The following ERI1 variants were observed in gnomAD, a reference collection of about 807,000 sequenced individuals.
ERI1 encodes the protein exoribonuclease 1.
In ERI1, 39 loss-of-function variants were observed where a neutral mutation model predicts 39.7. The ratio of observed to expected loss-of-function variants is 0.98; its 90% confidence interval spans 0.76 to 1.28. The LOEUF is 1.28. ERI1 is among the 50% of genes most tolerant of loss of function. The pLI is 0.00. For missense variants in ERI1, 581 were observed against 416.9 expected (o/e 1.39, Z -3.43); for synonymous variants, 204 against 149.6 (o/e 1.36, Z -2.65).
downstream of ERI1, among the ~76,000 whole-genome samples, chr8:9,034,008 GA>G (rs1294839735): frequency 2.6e-5 from 4 of 152,228 alleles, no homozygotes; most frequent in Non-Finnish European, 5.9e-5. Context: ...CGGAGATGGG[GA>G]TAAGTGGAGA....
chr8:9,098,805 C>T (rs541604325), intron 3 of ERI1, among the ~76,000 whole-genome samples: 2 of 152,208 alleles, frequency 1.3e-5, no homozygotes, highest in Non-Finnish European at 2.9e-5. Context: ...GCAAATTGCA[C>T]ATATTTCAAA....
chr8:9,016,503 C>A, intron 4 of ERI1, 98 bp downstream of exon 4: 28 of 493,954 alleles, frequency 5.7e-5, no homozygotes, highest in Middle Eastern at 5.4e-4. Context: ...CTGTTGTGAA[C>A]AATTTAATAC....
chr8:9,004,213 T>C (rs1294920889), intron 1 of ERI1: 1 of 1,276,850 alleles, frequency 7.8e-7, no homozygotes, highest in Non-Finnish European at 1.0e-6. Flanking sequence ...TTTCAAAGAG[T>C]ACTTGCACAT....
At chr8:9,077,075 G>C (rs553803940) in intron 3 of ERI1, among the ~76,000 whole-genome samples, 1 of 152,176 alleles carries the variant, frequency 6.6e-6, no homozygotes, top group South Asian at 2.1e-4. Context: ...TTATCTGCTG[G>C]TCAGAATGTT....
At chr8:9,004,119 G>A (rs1253075181) in intron 1 of ERI1, 4 of 1,289,304 alleles carry the variant, frequency 3.1e-6, no homozygotes, top group African/African-American at 1.5e-5. Flanking sequence ...AGAAGGTCTC[G>A]TTAAGGATCT....
At chr8:9,083,111 C>T (rs866195924) in intron 3 of ERI1, among the ~76,000 whole-genome samples, 1 of 152,216 alleles carries the variant, frequency 6.6e-6, no homozygotes, top group South Asian at 2.1e-4. Flanking sequence ...TTGCTGATAA[C>T]CCTAGAAAAG....
intron 4 of ERI1, among the ~76,000 whole-genome samples, chr8:9,016,982 C>G (rs905367012): frequency 1.3e-5 from 2 of 152,122 alleles, no homozygotes; most frequent in Non-Finnish European, 2.9e-5. Flanking sequence ...CATGCCCAGC[C>G]AGAGATAAGT....
At chr8:9,014,487 C>T (rs942476016) in intron 3 of ERI1, among the ~76,000 whole-genome samples, 13 of 152,192 alleles carry the variant, frequency 8.5e-5, no homozygotes, top group African/African-American at 3.1e-4. Flanking sequence ...GGATTACAGG[C>T]ACCCAGGTTC....
intron 3 of ERI1, among the ~76,000 whole-genome samples, chr8:9,069,031 C>T (rs1004293797): frequency 6.6e-6 from 1 of 152,176 alleles, no homozygotes; most frequent in South Asian, 2.1e-4. Flanking sequence ...GTGGCCCAGG[C>T]TGGTCTCGAA....
chr8:9,010,697 A>G (rs900931681), intron 2 of ERI1, among the ~76,000 whole-genome samples: 1 of 152,198 alleles, frequency 6.6e-6, no homozygotes, highest in Non-Finnish European at 1.5e-5. Flanking sequence ...ATTCATTTAT[A>G]TAACGCTGAA....
At chr8:9,036,959 C>G (rs144870629), downstream of ERI1, among the ~76,000 whole-genome samples, 1 of 152,162 alleles carries the variant, frequency 6.6e-6, no homozygotes, top group African/African-American at 2.4e-5. Flanking sequence ...CCCTCCCTCC[C>G]CCTTTTAGCA....
intron 3 of ERI1, among the ~76,000 whole-genome samples, chr8:9,093,145 C>T (rs1350155659): frequency 6.6e-6 from 1 of 152,218 alleles, no homozygotes; most frequent in Non-Finnish European, 1.5e-5. Context: ...TCTCCAAACA[C>T]AGCAGGGGTG....
At chr8:9,048,014 C>G (rs1798231929) in intron 3 of ERI1, among the ~76,000 whole-genome samples, 1 of 152,208 alleles carries the variant, frequency 6.6e-6, no homozygotes, top group African/African-American at 2.4e-5. Context: ...TCCAAGGCCA[C>G]AAAGCCAGTA....
chr8:9,039,788 T>C (rs1797959811), intron 3 of ERI1, among the ~76,000 whole-genome samples: 1 of 152,224 alleles, frequency 6.6e-6, no homozygotes, highest in Non-Finnish European at 1.5e-5. Context: ...GAACCTAATT[T>C]ATTTTCTGTT....
At chr8:9,088,756 T>C (rs1380359557) in intron 3 of ERI1, among the ~76,000 whole-genome samples, 1 of 152,194 alleles carries the variant, frequency 6.6e-6, no homozygotes, top group Admixed American at 6.5e-5. Flanking sequence ...TTCTCCTGGG[T>C]AATTTCAGAG....
intron 3 of ERI1, among the ~76,000 whole-genome samples, chr8:9,094,546 C>G (rs543626819): frequency 3.1e-4 from 47 of 152,300 alleles, no homozygotes; most frequent in Non-Finnish European, 5.4e-4. Context: ...TTCTCTGTGT[C>G]CTGTGTGTTG....
At chr8:9,008,731 CTT>C (rs1362240445) in intron 2 of ERI1, among the ~76,000 whole-genome samples, 3 of 152,050 alleles carry the variant, frequency 2.0e-5, no homozygotes, top group Non-Finnish European at 4.4e-5. Flanking sequence ...AAACAAATCA[CTT>C]TACGTTCATT....
intron 3 of ERI1, among the ~76,000 whole-genome samples, chr8:9,062,401 A>G (rs917760968): frequency 6.6e-6 from 1 of 151,708 alleles, no homozygotes; most frequent in Non-Finnish European, 1.5e-5. Flanking sequence ...TTTAGTTAAA[A>G]TGTCTTGGCC....
At chr8:9,023,831 C>G (rs1049032842) in intron 6 of ERI1, among the ~76,000 whole-genome samples, 2 of 111,456 alleles carry the variant, frequency 1.8e-5, no homozygotes, top group African/African-American at 3.4e-5. Flanking sequence ...CGGAGTCTCA[C>G]TCTGTCTCCC....
Sources: gnomAD v4.1 joint callset for allele counts (sites outside exome capture counted in the v4.1 genomes callset) on GRCh38, gnomAD v4.1.1 for gene constraint, MANE v1.5 for transcripts, NCBI Gene and HGNC (gene_info 2026-07-23, HGNC 2026-07-21) for gene names.